Variants in ENPP3 observed in about 807,000 individuals in gnomAD.
ENPP3 encodes the protein ectonucleotide pyrophosphatase/phosphodiesterase family member 3.
In ENPP3, 104 loss-of-function variants were observed where a neutral mutation model predicts 117.8. That is an observed-to-expected ratio of 0.88 (90% confidence interval 0.75 to 1.04). The LOEUF is 1.04. Among genes scored for constraint, ENPP3 ranks in the 50% least tolerant of loss-of-function variants. The pLI, the probability that ENPP3 is intolerant of heterozygous loss-of-function variation, is 0.00. For missense variants in ENPP3, 1,026 were observed against 1,051.9 expected (o/e 0.98, Z 0.34); for synonymous variants, 380 against 349.9 (o/e 1.09, Z -0.96).
Position 131,677,819 on chromosome 6 carries a change from A to G in ENPP3, c.939-49A>G, listed in dbSNP as rs1334591885. The G allele has an allele frequency of 3.3e-6, 4 of 1,214,810 alleles. No individual in the cohort carries two copies. In the South Asian group the frequency reaches 5.0e-5, roughly 15 times the overall value. The allele number at this position is 1,214,810 out of a possible 1,614,324, so 75.3% of individuals were successfully genotyped here. On this transcript the variant is annotated intron_variant, in intron 10 of 24. Coordinates refer to ENST00000357639, the MANE Select transcript of ENPP3 (RefSeq NM_005021.5). ...TACAAAATCCCCCAATCCAGCCTGT[A>G]TGTTTATAGCAAATTGATAATATAT... is the stretch of plus-strand genomic sequence containing the variant.
At chr6:131,678,911 T>C (rs557534936) in intron 11 of ENPP3, among the ~76,000 whole-genome samples, 6 of 44,704 alleles carry the variant, frequency 1.3e-4, no homozygotes, top group South Asian at 1.6e-3. Context: ...CTTTCTCTCT[T>C]TCTTTCTTTC....
chr6:131,689,113 G>C (rs1393568068), intron 14 of ENPP3, among the ~76,000 whole-genome samples: 1 of 152,086 alleles, frequency 6.6e-6, no homozygotes, highest in African/African-American at 2.4e-5. Flanking sequence ...TAACAGAAAA[G>C]TGCAAGGTGA....
intron 18 of ENPP3, among the ~76,000 whole-genome samples, chr6:131,722,830 T>G (rs78764137): frequency 0.014 from 2,111 of 152,204 alleles, 52 homozygotes; most frequent in African/African-American, 0.048. Flanking sequence ...CTAGGGTAGG[T>G]GCTGCGGGGT....
chr6:131,643,575 G>T (rs747702169), intron 2 of ENPP3, among the ~76,000 whole-genome samples: 4 of 151,892 alleles, frequency 2.6e-5, no homozygotes, highest in Non-Finnish European at 5.9e-5. Context: ...TTTTTCCACC[G>T]CATCTATTCT....
Position 131,720,278 on chromosome 6 carries a change from C to T in ENPP3, c.1480-14C>T, listed in dbSNP as rs766899483. On this transcript the variant is annotated splice_polypyrimidine_tract_variant and intron_variant, in intron 16 of 24. Coordinates refer to ENST00000357639, the MANE Select transcript of ENPP3 (RefSeq NM_005021.5). The stretch of plus-strand genomic sequence containing the variant: ...ATGACATCTAATAATAATAATCTGA[C>T]TATTATGACCTAGGCTATCTTTCTG... 5 of 1,460,314 alleles carry T rather than the reference C, an allele frequency of 3.4e-6. No homozygotes were observed. In the East Asian group the frequency reaches 9.4e-5, roughly 27 times the overall value. The allele number at this position is 1,460,314 out of a possible 1,614,324, so 90.5% of individuals were successfully genotyped here.
intron 23 of ENPP3, among the ~76,000 whole-genome samples, chr6:131,739,593 C>CTTTT (rs71270397): frequency 1.5e-4 from 13 of 87,460 alleles, no homozygotes; most frequent in Non-Finnish European, 1.5e-4. Flanking sequence ...TCATGCTCTG[C>CTTTT]TTTTTTTTTT....
intron 5 of ENPP3, among the ~76,000 whole-genome samples, chr6:131,654,643 A>G (rs540808987): frequency 2.0e-5 from 3 of 151,704 alleles, no homozygotes; most frequent in Admixed American, 6.6e-5. Context: ...GTGTTTTTCC[A>G]TGTTGCCCAG....
At position 131,726,194 on chromosome 6, in the gene ENPP3, C is replaced by T; in HGVS notation, c.1947C>T (p.Pro649=). Residue 649 remains proline (P), a synonymous_variant, in exon 20 of 25, where the codon CCC becomes CCT. Transcript: ENST00000357639. Reference sequence around the variant, plus strand: ...CCATGTGGAGTTCATACACAGTCCCCCAGTTGGTAAGTTCCTGAGTCCATT... The same window carrying T: ...CCATGTGGAGTTCATACACAGTCCCTCAGTTGGTAAGTTCCTGAGTCCATT... ...RMPMWSSYTV[P]QLGDTSPLPP... 2 of 1,613,314 alleles carry T rather than the reference C, an allele frequency of 1.2e-6. No homozygotes were observed.
chr6:131,734,683 G>T (rs1585733956), intron 21 of ENPP3, among the ~76,000 whole-genome samples: 1 of 151,738 alleles, frequency 6.6e-6, no homozygotes, highest in South Asian at 2.1e-4. Flanking sequence ...GATCACCTGA[G>T]ATCAGGAGTT....
chr6:131,735,460 T>A (rs1780375437), intron 21 of ENPP3, among the ~76,000 whole-genome samples: 1 of 152,028 alleles, frequency 6.6e-6, no homozygotes, highest in African/African-American at 2.4e-5. Flanking sequence ...GGCCTCTCAT[T>A]GAATAATTAG....
chr6:131,693,960 GTGAT>G (rs1779346576), intron 15 of ENPP3, among the ~76,000 whole-genome samples: 1 of 152,204 alleles, frequency 6.6e-6, no homozygotes, highest in Non-Finnish European at 1.5e-5. Context: ...CTGATAATGA[GTGAT>G]TGATTACACA....
intron 21 of ENPP3, among the ~76,000 whole-genome samples, chr6:131,735,013 A>G (rs564627407): frequency 1.1e-4 from 17 of 152,090 alleles, no homozygotes; most frequent in Non-Finnish European, 2.5e-4. Flanking sequence ...TTTGCCTGAC[A>G]AGGAATAAAA....
chr6:131,651,953 C>T (rs1778272446), intron 3 of ENPP3, among the ~76,000 whole-genome samples: 1 of 152,132 alleles, frequency 6.6e-6, no homozygotes, highest in Non-Finnish European at 1.5e-5. Context: ...GTGGCAGTGC[C>T]AAGCCACCTG....
intron 1 of ENPP3, among the ~76,000 whole-genome samples, chr6:131,639,263 A>ATTTTTTTTTTTTTTTTTTTTTTTT (rs71030752): frequency 2.2e-5 from 2 of 91,274 alleles, no homozygotes; most frequent in African/African-American, 1.3e-4. Flanking sequence ...ATATATATAT[A>ATTTTTTTTTTTTTTTTTTTTTTTT]TATTTTTTTT....
In ENPP3 at chr6:131,725,958, TGGTAGTTATTATATG is replaced by T. The variant is rs1780145326; in HGVS notation, c.1799-76_1799-62del. The T allele has an allele frequency of 3.9e-6, 3 of 761,208 alleles. No homozygotes were observed. In the Admixed American group the frequency reaches 6.8e-5, roughly 17 times the overall value. 47.2% of individuals were successfully genotyped at this position (761,208 alleles called of 1,614,324 possible). ...TGTCATATAATAAGCCATAAGAGAG[TGGTAGTTATTATATG>T]GGTAGTTATTACATGCAAAGAAGCA... On this transcript the variant is annotated intron_variant, in intron 19 of 24. Transcript: ENST00000357639.
chr6:131,700,625 A>C (rs764913622), intron 15 of ENPP3: 8 of 1,556,146 alleles, frequency 5.1e-6, no homozygotes, highest in Non-Finnish European at 6.0e-6. Context: ...ATCTGGGTCC[A>C]ACATACATGA....
At chr6:131,744,834 CAT>C (rs1554270794) in intron 24 of ENPP3, among the ~76,000 whole-genome samples, 88 of 144,626 alleles carry the variant, frequency 6.1e-4, no homozygotes, top group Admixed American at 2.9e-3. Flanking sequence ...CACACACACA[CAT>C]ATAAATATCA....
At chr6:131,645,927 C>A (rs1778144091) in intron 2 of ENPP3, among the ~76,000 whole-genome samples, 1 of 152,122 alleles carries the variant, frequency 6.6e-6, no homozygotes, top group African/African-American at 2.4e-5. Flanking sequence ...CTCTTCAATT[C>A]TGGGAAATTT....
At chr6:131,725,154 A>T (rs527813727) in intron 19 of ENPP3, among the ~76,000 whole-genome samples, 43 of 152,226 alleles carry the variant, frequency 2.8e-4, no homozygotes, top group Non-Finnish European at 8.8e-5. Context: ...TGAACCCAGG[A>T]GATGGAGGTT....
Sources: allele counts gnomAD v4.1 joint callset (sites outside exome capture counted in the v4.1 genomes callset), GRCh38; gene constraint gnomAD v4.1.1; transcripts MANE v1.5; gene names NCBI Gene and HGNC (gene_info 2026-07-23, HGNC 2026-07-21).